Variants in CAMKMT observed in about 807,000 individuals in gnomAD.
CAMKMT encodes CaM KMT.
Under a neutral mutation model 48.0 loss-of-function variants are expected in CAMKMT, and 53 were observed. The ratio of observed to expected loss-of-function variants is 1.10; its 90% CI spans 0.89 to 1.39. CAMKMT has a LOEUF of 1.39. Among genes scored for constraint, CAMKMT ranks in the 40% most tolerant of loss-of-function variants. CAMKMT has a pLI of 0.00. For missense variants in CAMKMT, 428 were observed against 402.7 expected, an observed-to-expected ratio of 1.06 and a Z score of -0.54; for synonymous variants, 165 against 152.3, an observed-to-expected ratio of 1.08 and a Z score of -0.61.
chr2:44,429,129 A>T (rs1457235911), intron 3 of CAMKMT, among the ~76,000 whole-genome samples: 1 of 152,172 alleles, frequency 6.6e-6, no homozygotes, highest in Non-Finnish European at 1.5e-5. Context: ...ATTGTTTCTT[A>T]TCTGACCAGC....
At chr2:44,538,958 C>CTCTG (rs1416937430) in intron 3 of CAMKMT, among the ~76,000 whole-genome samples, 3 of 140,220 alleles carry the variant, frequency 2.1e-5, no homozygotes, top group Middle Eastern at 7.2e-3. Flanking sequence ...GTGTGTGTGT[C>CTCTG]TGTGTGTGTG....
intron 3 of CAMKMT, among the ~76,000 whole-genome samples, chr2:44,556,321 T>G (rs1668001301): frequency 6.6e-6 from 1 of 151,862 alleles, no homozygotes; most frequent in African/African-American, 2.4e-5. Flanking sequence ...GTATTTTTAG[T>G]AGAGACAGGG....
chr2:44,420,416 T>C (rs1013075446), intron 3 of CAMKMT, among the ~76,000 whole-genome samples: 1 of 152,138 alleles, frequency 6.6e-6, no homozygotes, highest in African/African-American at 2.4e-5. Context: ...TCTTGAACAA[T>C]GCAGGGGTTA....
chr2:44,592,724 C>G (rs767782115), intron 3 of CAMKMT, among the ~76,000 whole-genome samples: 3 of 152,208 alleles, frequency 2.0e-5, no homozygotes, highest in Non-Finnish European at 2.9e-5. Flanking sequence ...CAGGCATCCA[C>G]TAGGACCTTG....
At chr2:44,547,979 T>C (rs1667497790) in intron 3 of CAMKMT, among the ~76,000 whole-genome samples, 2 of 152,170 alleles carry the variant, frequency 1.3e-5, no homozygotes, top group African/African-American at 4.8e-5. Context: ...CTGATCACTC[T>C]AAATATCCTG....
chr2:44,520,923 A>G (rs1671073338), intron 3 of CAMKMT, among the ~76,000 whole-genome samples: 2 of 152,178 alleles, frequency 1.3e-5, no homozygotes, highest in Admixed American at 1.3e-4. Flanking sequence ...GGCTTCTGTC[A>G]TGACTGTAAG....
intron 3 of CAMKMT, among the ~76,000 whole-genome samples, chr2:44,444,006 G>C (rs1558619953): frequency 6.6e-6 from 1 of 152,118 alleles, no homozygotes; most frequent in South Asian, 2.1e-4. Flanking sequence ...ACACAAGAAG[G>C]GTATGCTGGA....
chr2:44,370,960 A>G (rs1679115192), intron 1 of CAMKMT, among the ~76,000 whole-genome samples: 1 of 152,118 alleles, frequency 6.6e-6, no homozygotes, highest in African/African-American at 2.4e-5. Flanking sequence ...ACAGGCAGAC[A>G]CCACCACATC....
At chr2:44,728,186 A>T (rs1459943742) in intron 7 of CAMKMT, among the ~76,000 whole-genome samples, 2 of 152,130 alleles carry the variant, frequency 1.3e-5, no homozygotes, top group East Asian at 3.8e-4. Flanking sequence ...TCGGCCTCCC[A>T]AAGTGCTGGG....
At chr2:44,385,550 C>T (rs747967942) in intron 2 of CAMKMT, among the ~76,000 whole-genome samples, 6 of 151,540 alleles carry the variant, frequency 4.0e-5, no homozygotes, top group Non-Finnish European at 7.4e-5. Context: ...TTGTCTTGTT[C>T]CTGTTCTCAG....
chr2:44,479,693 C>G lies in CAMKMT; in HGVS notation c.376+89388C>G, dbSNP rs113907927. 2.1e-3 allele frequency among the ~76,000 whole-genome samples: 326 copies of G among 152,240 alleles called. No individual in the cohort carries two copies. The Middle Eastern group carries it at 0.027, about 13-fold the overall frequency. The stretch of plus-strand genomic sequence containing the variant: ...TCGATTTGTGGGTCTAAGAATAAAG[C>G]TGTCACGAACTCATGGAATCTTTAT... On this transcript the variant is annotated intron_variant, in intron 3 of 10. Coordinates refer to ENST00000378494, the MANE Select transcript of CAMKMT (RefSeq NM_024766.5).
chr2:44,766,144 C>A (rs1680832714), intron 9 of CAMKMT, among the ~76,000 whole-genome samples: 2 of 152,194 alleles, frequency 1.3e-5, no homozygotes, highest in African/African-American at 4.8e-5. Flanking sequence ...TGAGACAATG[C>A]ATATTGTTCG....
chr2:44,549,411 A>T, intron 3 of CAMKMT: 1 of 586,914 alleles, frequency 1.7e-6, no homozygotes, highest in South Asian at 2.3e-5. Context: ...ATTCACCCCA[A>T]GGGAAGAGAA....
At chr2:44,767,757 C>T (rs994908411) in intron 10 of CAMKMT, among the ~76,000 whole-genome samples, 2 of 152,086 alleles carry the variant, frequency 1.3e-5, no homozygotes, top group African/African-American at 4.8e-5. Flanking sequence ...AAAAGCGGGT[C>T]TTTACCTGGT....
intron 2 of CAMKMT, among the ~76,000 whole-genome samples, chr2:44,388,374 C>G (rs149935836): frequency 6.6e-6 from 1 of 152,202 alleles, no homozygotes; most frequent in Non-Finnish European, 1.5e-5. Flanking sequence ...TTTCTTAATG[C>G]TATCTATTTC....
chr2:44,658,358 A>G lies in CAMKMT; in HGVS notation c.377-45925A>G, dbSNP rs559724238. Among the ~76,000 whole-genome samples the G allele has an allele frequency of 2.0e-5, 3 of 152,360 alleles. No individual in the cohort carries two copies. The East Asian group carries it at 5.8e-4, about 29-fold the overall frequency. ...AATTTTATTTCAGGAGAGCAAAGGA[A>G]AATACAAGATAGTTGTATGAAAAGG... On this transcript the variant is annotated intron_variant, in intron 3 of 10. Coordinates refer to ENST00000378494, the MANE Select transcript of CAMKMT (RefSeq NM_024766.5).
intron 3 of CAMKMT, among the ~76,000 whole-genome samples, chr2:44,538,964 GTGTGT>G (rs1666937080): frequency 2.9e-5 from 1 of 35,076 alleles, no homozygotes; most frequent in Admixed American, 3.7e-4. Flanking sequence ...GTGTCTGTGT[GTGTGT>G]GTGTGTGTGT....
At chr2:44,668,212 G>A (rs1675113646) in intron 3 of CAMKMT, among the ~76,000 whole-genome samples, 1 of 152,132 alleles carries the variant, frequency 6.6e-6, no homozygotes, top group African/African-American at 2.4e-5. Context: ...AACTACACCA[G>A]AACTACTTCA....
intron 8 of CAMKMT, among the ~76,000 whole-genome samples, chr2:44,747,849 A>G (rs751257662): frequency 3.3e-5 from 5 of 152,172 alleles, no homozygotes; most frequent in Non-Finnish European, 5.9e-5. Context: ...GTGTTGATCC[A>G]CAAGTGAATT....
Sources: allele counts gnomAD v4.1 joint callset (sites outside exome capture counted in the v4.1 genomes callset), GRCh38; gene constraint gnomAD v4.1.1; transcripts MANE v1.5; gene names NCBI Gene and HGNC (gene_info 2026-07-23, HGNC 2026-07-21).